LRRTM3: variants seen among roughly 807,000 people sequenced by gnomAD.
The protein encoded by LRRTM3 is leucine-rich repeat transmembrane neuronal protein 3.
A neutral mutation model predicts 44.7 loss-of-function variants in LRRTM3; 24 were observed. The ratio of observed to expected loss-of-function variants is 0.54; its 90% CI spans 0.39 to 0.76. The LOEUF (loss-of-function observed/expected upper bound fraction) is 0.76. Ranked by LOEUF, LRRTM3 falls within the 30% of genes least tolerant of loss-of-function variation. The probability of loss-of-function intolerance (pLI) is 0.00; values close to 1 mark genes in which losing one functional copy is unlikely to be tolerated. For synonymous variants in LRRTM3, 277 were observed against 278.7 expected, an observed-to-expected ratio of 0.99 and a Z score of 0.06; for missense variants, 587 against 702.2, an observed-to-expected ratio of 0.84 and a Z score of 1.85.
chr10:66,963,112 T>G (rs1490571582), intron 2 of LRRTM3, among the ~76,000 whole-genome samples: 1 of 152,174 alleles, frequency 6.6e-6, no homozygotes, highest in Non-Finnish European at 1.5e-5. Flanking sequence ...CAAAATTATT[T>G]TAAATGTGAT....
intron 2 of LRRTM3, among the ~76,000 whole-genome samples, chr10:67,013,541 T>C (rs1852469710): frequency 6.6e-6 from 1 of 152,194 alleles, no homozygotes; most frequent in Admixed American, 6.5e-5. Context: ...TACTGAACTA[T>C]ACCATGACCT....
chr10:67,090,604 C>T (rs1213781138), intron 2 of LRRTM3, among the ~76,000 whole-genome samples: 4 of 152,068 alleles, frequency 2.6e-5, no homozygotes, highest in Admixed American at 6.6e-5. Context: ...CTAAGTCTTC[C>T]TTTTCTCAAC....
At chr10:66,980,441 C>T (rs536662545) in intron 2 of LRRTM3, among the ~76,000 whole-genome samples, 114 of 144,028 alleles carry the variant, frequency 7.9e-4, no homozygotes, top group African/African-American at 2.9e-3. Flanking sequence ...ACAGCTGTCA[C>T]TGGCCTTTTC....
At chr10:66,998,016 C>T (rs140382002) in intron 2 of LRRTM3, among the ~76,000 whole-genome samples, 319 of 152,304 alleles carry the variant, frequency 2.1e-3, no homozygotes, top group Admixed American at 3.5e-3. Flanking sequence ...GGCCTCCCTG[C>T]CCACCAGGCT....
intron 2 of LRRTM3, among the ~76,000 whole-genome samples, chr10:67,005,686 T>TTTTTTTTTGTTTTTG (rs1564826012): frequency 3.0e-5 from 3 of 101,152 alleles, no homozygotes; most frequent in African/African-American, 9.4e-5. Context: ...CTCCATCTTT[T>TTTTTTTTTGTTTTTG]TTTTTTTTTT....
At chr10:67,079,451 C>A (rs1856919817) in intron 2 of LRRTM3, among the ~76,000 whole-genome samples, 6 of 152,088 alleles carry the variant, frequency 3.9e-5, no homozygotes, top group Admixed American at 3.3e-4. Flanking sequence ...CCCAATAAAG[C>A]CAATAAATTC....
intron 2 of LRRTM3, among the ~76,000 whole-genome samples, chr10:66,951,201 T>C (rs1415557199): frequency 1.3e-5 from 2 of 151,748 alleles, no homozygotes; most frequent in Non-Finnish European, 2.9e-5. Flanking sequence ...CTGCAACCTC[T>C]GCCTCCTGGG....
intron 2 of LRRTM3, chr10:67,052,795 T>C (rs996593580): frequency 2.0e-5 from 3 of 152,146 alleles, no homozygotes; most frequent in Admixed American, 2.0e-4. Flanking sequence ...AAATCCTTTC[T>C]CTTTTTTTTA....
chr10:66,947,202 G>A (rs1848315601), intron 2 of LRRTM3, among the ~76,000 whole-genome samples: 1 of 152,004 alleles, frequency 6.6e-6, no homozygotes, highest in South Asian at 2.1e-4. Flanking sequence ...ATCTTTCCAA[G>A]GTATGGCCCC....
intron 2 of LRRTM3, among the ~76,000 whole-genome samples, chr10:66,976,816 C>CAA (rs1188208622): frequency 6.6e-6 from 1 of 152,102 alleles, no homozygotes; most frequent in African/African-American, 2.4e-5. Flanking sequence ...AAATGTATAA[C>CAA]AAGTCACAGG....
chr10:67,019,434 T>C (rs945069100), intron 2 of LRRTM3, among the ~76,000 whole-genome samples: 1 of 152,160 alleles, frequency 6.6e-6, no homozygotes, highest in Non-Finnish European at 1.5e-5. Flanking sequence ...GTCAAGCTGG[T>C]CACAAACTCC....
chr10:67,078,512 C>CTTT (rs11396357), intron 2 of LRRTM3, among the ~76,000 whole-genome samples: 1 of 151,244 alleles, frequency 6.6e-6, no homozygotes, highest in African/African-American at 2.4e-5. Context: ...TTTCTGATAC[C>CTTT]TTTTTTATTA....
At chr10:66,933,107 C>G (rs2132648473) in intron 2 of LRRTM3, among the ~76,000 whole-genome samples, 1 of 152,312 alleles carries the variant, frequency 6.6e-6, no homozygotes, top group South Asian at 2.1e-4. Flanking sequence ...TTTCAAAAAG[C>G]CCTTAGTGAG....
In LRRTM3 at chr10:67,025,545, T is replaced by C. The variant is rs528345929; in HGVS notation, c.1537-72042T>C. 9.2e-5 allele frequency among the ~76,000 whole-genome samples: 14 copies of C among 152,298 alleles called. No individual in the cohort carries two copies. The East Asian group carries it at 2.7e-3, about 29-fold the overall frequency. On this transcript the variant is annotated intron_variant, in intron 2 of 2. Transcript: ENST00000361320. Reference sequence around the variant, plus strand: ...TTATTAAAAGGGTGAAAATGTATTTTGCATCTTGTTATTTGCAATGTTACT... The same window carrying C: ...TTATTAAAAGGGTGAAAATGTATTTCGCATCTTGTTATTTGCAATGTTACT...
At chr10:66,954,293 ACTTAT>A (rs1848682773) in intron 2 of LRRTM3, among the ~76,000 whole-genome samples, 1 of 152,202 alleles carries the variant, frequency 6.6e-6, no homozygotes, top group Non-Finnish European at 1.5e-5. Context: ...TATATTTGAA[ACTTAT>A]CTTAAATTTG....
intron 2 of LRRTM3, among the ~76,000 whole-genome samples, chr10:67,093,094 G>T (rs1226146099): frequency 1.3e-5 from 2 of 151,914 alleles, no homozygotes; most frequent in Non-Finnish European, 2.9e-5. Flanking sequence ...TGATAAACAG[G>T]AGTTTAGCAG....
Position 67,101,386 on chromosome 10 carries a change from T to C in LRRTM3, c.*3590T>C, listed in dbSNP as rs1858329450. Among the ~76,000 whole-genome samples, 1 of 151,792 alleles carries C rather than the reference T, an allele frequency of 6.6e-6. No individual in the cohort carries two copies. The highest frequency in any genetic ancestry group is 2.4e-5 in the African/African-American group (1 of 41,396). On this transcript the variant is annotated 3_prime_UTR_variant, in exon 3 of 3. Transcript: ENST00000361320. The stretch of plus-strand genomic sequence containing the variant: ...ATAAAATTCTTTTTCTTTTTTTCTT[T>C]TGGCAAGATTTCTTCTTAAACCATG...
intron 2 of LRRTM3, among the ~76,000 whole-genome samples, chr10:67,014,813 C>T (rs72804680): frequency 0.049 from 7,395 of 151,902 alleles, 264 homozygotes; most frequent in Middle Eastern, 0.075. Context: ...AACATCATTC[C>T]AAACATAGCT....
At chr10:66,989,943 T>C (rs1281333426) in intron 2 of LRRTM3, among the ~76,000 whole-genome samples, 1 of 152,158 alleles carries the variant, frequency 6.6e-6, no homozygotes, top group Non-Finnish European at 1.5e-5. Flanking sequence ...TTGAACTTCA[T>C]TAAAAAATTA....
Sources: allele counts gnomAD v4.1 joint callset (sites outside exome capture counted in the v4.1 genomes callset), GRCh38; gene constraint gnomAD v4.1.1; transcripts MANE v1.5; gene names NCBI Gene and HGNC (gene_info 2026-07-23, HGNC 2026-07-21).